The following WFDC1 variants were observed in gnomAD, a reference collection of about 807,000 sequenced individuals.
WFDC1 encodes the protein WAP four-disulfide core domain 1, also known as WAP four-disulfide core domain protein 1.
Under a neutral mutation model 32.9 loss-of-function variants are expected in WFDC1, and 39 were observed. The observed-to-expected ratio is 1.19, with a 90% CI of 0.92 to 1.55. The LOEUF (loss-of-function observed/expected upper bound fraction) is 1.55, where lower values mean the gene tolerates loss of function less well. Among genes scored for constraint, WFDC1 ranks in the 40% most tolerant of loss-of-function variants. WFDC1 has a pLI of 0.00. For missense variants in WFDC1, 386 were observed against 309.5 expected (o/e 1.25, Z -1.85); for synonymous variants, 184 against 137.4 (o/e 1.34, Z -2.37).
chr16:84,301,858 C>G (rs2151367381), intron 1 of WFDC1, among the ~76,000 whole-genome samples: 1 of 152,250 alleles, frequency 6.6e-6, no homozygotes, highest in East Asian at 1.9e-4. Context: ...CCTGAAATTC[C>G]AGGTGGAAAT....
intron 1 of WFDC1, among the ~76,000 whole-genome samples, chr16:84,308,544 T>C (rs1035941530): frequency 6.6e-6 from 1 of 152,328 alleles, no homozygotes; most frequent in South Asian, 2.1e-4. Context: ...ATTTGGCCAA[T>C]TGAAGCTGAT....
At chr16:84,324,353 A>G (rs1273894833) in intron 4 of WFDC1, 66 bp from the exon 5 acceptor site, 1 of 1,442,636 alleles carries the variant, frequency 6.9e-7, no homozygotes, top group Non-Finnish European at 9.7e-7. Flanking sequence ...CCTCAGTGTT[A>G]TTATGACAAC....
At chr16:84,302,168 G>C (rs182436603) in intron 1 of WFDC1, among the ~76,000 whole-genome samples, 75 of 152,224 alleles carry the variant, frequency 4.9e-4, no homozygotes, top group African/African-American at 1.7e-3. Flanking sequence ...CAAATCCAGC[G>C]GGACGGGAAG....
intron 1 of WFDC1, among the ~76,000 whole-genome samples, chr16:84,308,327 C>G (rs1326711827): frequency 6.6e-6 from 1 of 152,176 alleles, no homozygotes; most frequent in African/African-American, 2.4e-5. Context: ...CTGCAGGGCA[C>G]TGGTGACACC....
At chr16:84,318,160 C>T (rs1908067930) in intron 2 of WFDC1, 112 bp from the exon 3 acceptor site, 3 of 917,916 alleles carry the variant, frequency 3.3e-6, no homozygotes, top group Middle Eastern at 2.3e-4. Context: ...ATAGTTATTT[C>T]TCCCATGGGG....
At position 84,318,320 on chromosome 16, in the gene WFDC1, G is replaced by T. The variant is rs147665213; in HGVS notation, c.386G>T (p.Gly129Val). Residue 129 changes from glycine (G) to valine (V), a missense_variant, in exon 3 of 7, where the codon GGC (glycine) becomes GTC (valine). Physicochemically the swap from Gly to Val is moderately radical, Grantham distance 109 (BLOSUM62 -3). Transcript: ENST00000219454. ...AAACCTCGATGGCTTGGTGGCAATGGCTGGCTCCTGGATGGCCCTGAGGAG... is the reference window on the plus strand; with the variant it reads ...AAACCTCGATGGCTTGGTGGCAATGTCTGGCTCCTGGATGGCCCTGAGGAG... The part of the protein sequence containing the change: ...QPKPRWLGGN[G>V]WLLDGPEEVL... 1.4e-5 allele frequency: 22 copies of T among 1,613,976 alleles called. No individual in the cohort carries two copies. The highest frequency in any genetic ancestry group is 1.6e-4 in the Middle Eastern group (1 of 6,076).
At position 84,313,142 on chromosome 16, in the gene WFDC1, C is replaced by G. The variant is rs1907744848; in HGVS notation, c.326C>G (p.Pro109Arg). 4 of 1,433,018 alleles carry G rather than the reference C, an allele frequency of 2.8e-6. No individual in the cohort carries two copies. The highest frequency in any genetic ancestry group is 3.0e-5 in the African/African-American group (2 of 66,610). The allele number at this position is 1,433,018 out of a possible 1,614,324, so 88.8% of individuals were successfully genotyped here. ...GCCTACGCCTGCCTAGAAGCTGTGCCGCCCCCGCCAGGTAGGTCCTGGGCC... is the reference window on the plus strand; with the variant it reads ...GCCTACGCCTGCCTAGAAGCTGTGCGGCCCCCGCCAGGTAGGTCCTGGGCC... ...GCAYACLEAV[P>R]PPPVLDWLVQ... The change falls in exon 2 of 7, where the codon CCG becomes CGG. Residue 109 changes from proline (P) to arginine (R), a missense_variant. Physicochemically the swap from Pro to Arg is moderately radical, Grantham distance 103. Coordinates refer to ENST00000219454, the MANE Select transcript of WFDC1 (RefSeq NM_021197.4).
rs190839485 is a variant in WFDC1 at position 84,324,458 on chromosome 16, C to A, written c.602C>A (p.Pro201Gln). 5 of 1,613,288 alleles carry A rather than the reference C, an allele frequency of 3.1e-6. No individual in the cohort carries two copies. The East Asian group carries it at 1.1e-4, about 36-fold the overall frequency. The change falls in exon 5 of 7, where the codon CCA becomes CAA. Residue 201 changes from proline to glutamine, a missense_variant and splice_region_variant. Pro to Gln is a moderately conservative substitution (Grantham distance 76, BLOSUM62 -1). Coordinates refer to ENST00000219454, the MANE Select transcript of WFDC1 (RefSeq NM_021197.4). ...CGACACAAACTTTACAAAGAATATCCAGGTAAAAGAAGAAACTGTTCTTTC... is the reference window on the plus strand; with the variant it reads ...CGACACAAACTTTACAAAGAATATCAAGGTAAAAGAAGAAACTGTTCTTTC... ...ILRHKLYKEY[P>Q]EGDSKNVAEP...
At chr16:84,314,041 CAA>C (rs11296589) in intron 2 of WFDC1, among the ~76,000 whole-genome samples, 17 of 148,010 alleles carry the variant, frequency 1.1e-4, no homozygotes, top group South Asian at 2.2e-4. Flanking sequence ...GACTCTGTCT[CAA>C]AAAAAAAAAG....
chr16:84,309,552 T>A lies in WFDC1; in HGVS notation c.145-3409T>A, dbSNP rs543988250. Among the ~76,000 whole-genome samples, 67 of 152,044 alleles carry A rather than the reference T, an allele frequency of 4.4e-4. 1 individual carries two copies. The South Asian group carries it at 0.013, about 30-fold the overall frequency. On this transcript the variant is annotated intron_variant, in intron 1 of 6. Coordinates refer to ENST00000219454, the MANE Select transcript of WFDC1 (RefSeq NM_021197.4). ...GCCTGGCAGAGGGACAGATATCAAGTTTCCAGGGGCCGCCGTAACAAATGA... is the reference window on the plus strand; with the variant it reads ...GCCTGGCAGAGGGACAGATATCAAGATTCCAGGGGCCGCCGTAACAAATGA...
intron 1 of WFDC1, among the ~76,000 whole-genome samples, chr16:84,303,980 A>C (rs929169393): frequency 6.6e-6 from 1 of 152,182 alleles, no homozygotes; most frequent in African/African-American, 2.4e-5. Flanking sequence ...TTTTCACTTA[A>C]TAATCTGTGG....
At chr16:84,303,833 C>G (rs1907088987) in intron 1 of WFDC1, among the ~76,000 whole-genome samples, 1 of 152,246 alleles carries the variant, frequency 6.6e-6, no homozygotes, top group Non-Finnish European at 1.5e-5. Flanking sequence ...CTCCTTCCCT[C>G]TTCCCGCAGC....
At chr16:84,322,148 T>TGTGTGTGTGCGC (rs796731958) in intron 4 of WFDC1, among the ~76,000 whole-genome samples, 1 of 88,288 alleles carries the variant, frequency 1.1e-5, no homozygotes, top group Admixed American at 1.4e-4. Context: ...TCAGAGCCTG[T>TGTGTGTGTGCGC]GTGTGTGTGT....
chr16:84,307,465 G>A (rs551679667), intron 1 of WFDC1, among the ~76,000 whole-genome samples: 7 of 152,248 alleles, frequency 4.6e-5, no homozygotes, highest in South Asian at 2.1e-4. Context: ...CTTCTAAGGC[G>A]CTTATCTCTT....
intron 1 of WFDC1, among the ~76,000 whole-genome samples, chr16:84,298,650 C>T (rs942370566): frequency 6.6e-6 from 1 of 152,216 alleles, no homozygotes; most frequent in African/African-American, 2.4e-5. Context: ...TGACCAAGCG[C>T]AGGGCTGCCT....
Position 84,329,456 on chromosome 16 carries a change from A to G in WFDC1, c.*150A>G, listed in dbSNP as rs2550487. ...ATGCTTAGAGACAGGACACCTGGCC[A>G]TCAAACCCAGTTTGGCCCAGCCTGG... is the stretch of plus-strand genomic sequence containing the variant. On this transcript the variant is annotated 3_prime_UTR_variant, in exon 7 of 7. Coordinates refer to ENST00000219454, the MANE Select transcript of WFDC1 (RefSeq NM_021197.4). 2 of 152,198 alleles carry G rather than the reference A, an allele frequency of 1.3e-5. No individual in the cohort carries two copies. The highest frequency in any genetic ancestry group is 2.1e-4 in the South Asian group (1 of 4,818). 9.4% of individuals were successfully genotyped at this position (152,198 alleles called of 1,614,324 possible). A position where few individuals can be genotyped will look rare whatever the true frequency, so the allele number is the denominator to read the frequency against.
chr16:84,294,933 C>G lies in WFDC1; in HGVS notation c.-39C>G, dbSNP rs772109998. On this transcript the variant is annotated 5_prime_UTR_variant, in exon 1 of 7. Coordinates refer to ENST00000219454, the MANE Select transcript of WFDC1 (RefSeq NM_021197.4). The stretch of plus-strand genomic sequence containing the variant: ...GGCCCACGCAGCGAGGGGGGCCCCT[C>G]TTCTGTGTGCGTCTGGAAGGTCGCT... 6.3e-7 allele frequency: 1 copy of G among 1,596,012 alleles called. No homozygotes were observed. The highest frequency in any genetic ancestry group is 1.3e-5 in the African/African-American group (1 of 74,800).
At chr16:84,300,868 G>T (rs544865578) in intron 1 of WFDC1, among the ~76,000 whole-genome samples, 1 of 152,252 alleles carries the variant, frequency 6.6e-6, no homozygotes, top group African/African-American at 2.4e-5. Context: ...TACTCAGGAG[G>T]CTGAGGCAGT....
At chr16:84,300,457 G>T (rs1906868945) in intron 1 of WFDC1, among the ~76,000 whole-genome samples, 1 of 152,190 alleles carries the variant, frequency 6.6e-6, no homozygotes, top group Non-Finnish European at 1.5e-5. Context: ...GGGCTTCCTG[G>T]GATCCCCTCC....
Sources: gnomAD v4.1 joint callset for allele counts (sites outside exome capture counted in the v4.1 genomes callset) on GRCh38, gnomAD v4.1.1 for gene constraint, MANE v1.5 for transcripts, NCBI Gene and HGNC (gene_info 2026-07-23, HGNC 2026-07-21) for gene names.